Variants in GNAZ observed in about 807,000 individuals in gnomAD.
GNAZ encodes the protein G protein subunit alpha z.
GNAZ carries 3 observed loss-of-function variants against 25.4 expected under a neutral mutation model. The ratio of observed to expected loss-of-function variants is 0.12; its 90% CI spans 0.05 to 0.30. The LOEUF (loss-of-function observed/expected upper bound fraction) is 0.30, where lower values mean the gene tolerates loss of function less well. Ranked by LOEUF, GNAZ falls within the 10% of genes least tolerant of loss-of-function variation. The pLI is 1.00. For missense variants in GNAZ, 241 were observed against 501.8 expected (o/e 0.48, Z 4.97); for synonymous variants, 211 against 205.7 (o/e 1.03, Z -0.22).
In GNAZ at chr22:23,096,428, G is replaced by A; in HGVS notation, c.723+10G>A. On this transcript the variant is annotated intron_variant, in intron 2 of 2. Transcript: ENST00000615612. ...CGAGGATAACCAGACAGTAAGTGGGGCCGGGGGTTTTCCTCTGCTTGTTCC... is the reference window on the plus strand; with the variant it reads ...CGAGGATAACCAGACAGTAAGTGGGACCGGGGGTTTTCCTCTGCTTGTTCC... The A allele has an allele frequency of 2.5e-6, 4 of 1,591,232 alleles. No homozygotes were observed. The South Asian group carries it at 3.4e-5, about 13-fold the overall frequency.
rs190535892 is a variant in GNAZ at position 23,071,692 on chromosome 22, G to A, written c.-450+1122G>A. On this transcript the variant is annotated intron_variant, in intron 1 of 2. Transcript: ENST00000615612. The surrounding 1 kb of genome is among the most constrained non-coding windows in gnomAD (Gnocchi z 4.1). ...AAAACGTCTCTACTCGACCAACCCC[G>A]CTTGAGTGCAGGTGCAGGGGCCTCG... Among the ~76,000 whole-genome samples the A allele has an allele frequency of 2.6e-5, 4 of 152,200 alleles. No individual in the cohort carries two copies. The highest frequency in any genetic ancestry group is 9.7e-5 in the African/African-American group (4 of 41,450).
intron 2 of GNAZ, among the ~76,000 whole-genome samples, chr22:23,102,752 C>T (rs2068396605): frequency 6.6e-6 from 1 of 152,240 alleles, no homozygotes; most frequent in Non-Finnish European, 1.5e-5. Context: ...TCCCAGGGCA[C>T]AAGCTGTCAC....
intron 2 of GNAZ, among the ~76,000 whole-genome samples, chr22:23,116,576 G>A (rs1016039175): frequency 3.3e-5 from 5 of 152,230 alleles, no homozygotes; most frequent in South Asian, 4.1e-4. Context: ...CCCACTCTGG[G>A]CTCCTCAGGG....
At chr22:23,081,968 A>G (rs1372834042) in intron 1 of GNAZ, among the ~76,000 whole-genome samples, 3 of 150,402 alleles carry the variant, frequency 2.0e-5, no homozygotes, top group South Asian at 2.1e-4. Context: ...TACTAAAAAT[A>G]CAAAAAATTA....
intron 2 of GNAZ, among the ~76,000 whole-genome samples, chr22:23,107,943 G>A (rs992227807): frequency 5.3e-5 from 8 of 152,298 alleles, no homozygotes; most frequent in African/African-American, 1.9e-4. Flanking sequence ...GCCTGCTGCG[G>A]GGGAGGAAGG....
chr22:23,102,896 T>C (rs2266997), intron 2 of GNAZ, among the ~76,000 whole-genome samples: 60,721 of 152,186 alleles, frequency 0.4, 14,703 homozygotes, highest in African/African-American at 0.69. Context: ...CAGACAAGTG[T>C]TCCTGCCACA....
intron 1 of GNAZ, among the ~76,000 whole-genome samples, chr22:23,076,427 G>A (rs949251996): frequency 1.6e-4 from 24 of 152,146 alleles, no homozygotes; most frequent in African/African-American, 5.3e-4. Flanking sequence ...CTGTGTGCTC[G>A]TGCGCTGCAG....
intron 1 of GNAZ, among the ~76,000 whole-genome samples, chr22:23,086,300 G>A (rs2068818806): frequency 6.6e-6 from 1 of 152,248 alleles, no homozygotes; most frequent in Non-Finnish European, 1.5e-5. Context: ...GCCACCCCGG[G>A]AAATCACCTC....
chr22:23,075,804 C>A (rs901869236), intron 1 of GNAZ, among the ~76,000 whole-genome samples: 1 of 152,172 alleles, frequency 6.6e-6, no homozygotes, highest in Admixed American at 6.5e-5. Context: ...AGACCCTTGG[C>A]CCCTGGGATG....
intron 2 of GNAZ, among the ~76,000 whole-genome samples, chr22:23,102,466 T>A (rs914003339): frequency 1.3e-5 from 2 of 152,228 alleles, no homozygotes; most frequent in Non-Finnish European, 2.9e-5. Context: ...CCTGTCACAC[T>A]GGGAGCTTCC....
intron 1 of GNAZ, among the ~76,000 whole-genome samples, chr22:23,083,790 C>G (rs895353105): frequency 1.3e-5 from 2 of 152,214 alleles, no homozygotes; most frequent in Non-Finnish European, 2.9e-5. Context: ...GTCCCACTGC[C>G]GAACCAGCGG....
intron 1 of GNAZ, among the ~76,000 whole-genome samples, chr22:23,092,876 A>G (rs972001148): frequency 6.6e-6 from 1 of 152,246 alleles, no homozygotes; most frequent in African/African-American, 2.4e-5. Context: ...AAGAACAGTC[A>G]TGACAACAGA....
intron 2 of GNAZ, among the ~76,000 whole-genome samples, chr22:23,099,396 G>T (rs530871900): frequency 1.3e-5 from 2 of 152,270 alleles, no homozygotes; most frequent in African/African-American, 2.4e-5. Context: ...AGTCCTGCAG[G>T]TGTGTCAGGC....
At chr22:23,083,019 G>T (rs2068723574) in intron 1 of GNAZ, among the ~76,000 whole-genome samples, 1 of 152,172 alleles carries the variant, frequency 6.6e-6, no homozygotes. Flanking sequence ...GAGACTGGGA[G>T]ACCAGGCAGG....
Position 23,124,497 on chromosome 22 carries a change from T to A in GNAZ, c.*1066T>A. 2.6e-6 allele frequency: 1 copy of A among 387,024 alleles called. No individual in the cohort carries two copies. The highest frequency in any genetic ancestry group is 5.5e-6 in the Non-Finnish European group (1 of 181,906). The allele number at this position is 387,024 out of a possible 1,614,324, so 24.0% of individuals were successfully genotyped here. A position where few individuals can be genotyped will look rare whatever the true frequency, so the allele number is the denominator to read the frequency against. On this transcript the variant is annotated 3_prime_UTR_variant, in exon 3 of 3. Coordinates refer to ENST00000615612, the MANE Select transcript of GNAZ (RefSeq NM_002073.4). The stretch of plus-strand genomic sequence containing the variant: ...TGTCCTCTTGTTAATGGTGGGGTTT[T>A]CTGCTTTGTTTTTATTTAAGAAAAT...
intron 2 of GNAZ, chr22:23,122,655 G>A: frequency 5.3e-6 from 1 of 188,708 alleles, no homozygotes; most frequent in East Asian, 1.2e-4. Context: ...CATTGAGGGA[G>A]CTATGATGTG....
rs1417758670 is a variant in GNAZ at position 23,071,295 on chromosome 22, C to T, written c.-450+725C>T. 6.6e-6 allele frequency among the ~76,000 whole-genome samples: 1 copy of T among 152,158 alleles called. No individual in the cohort carries two copies. Among genetic ancestry groups the T allele is most frequent in the Non-Finnish European group, 1.5e-5 (1 of 68,032 alleles). On this transcript the variant is annotated intron_variant, in intron 1 of 2. Coordinates refer to ENST00000615612, the MANE Select transcript of GNAZ (RefSeq NM_002073.4). This position sits in a 1 kb window ranked among gnomAD's most constrained non-coding sequence, Gnocchi z 4.1. ...ATCCGAGGGGGCTCTGCCTTTAGGGCGGTGCTGAGCCTTCCTGGGTGATGA... is the reference window on the plus strand; with the variant it reads ...ATCCGAGGGGGCTCTGCCTTTAGGGTGGTGCTGAGCCTTCCTGGGTGATGA...
intron 1 of GNAZ, among the ~76,000 whole-genome samples, chr22:23,078,354 C>T (rs1408761317): frequency 6.6e-6 from 1 of 152,176 alleles, no homozygotes; most frequent in Non-Finnish European, 1.5e-5. Context: ...ATGATAACAC[C>T]ACGCACGCAA....
intron 2 of GNAZ, among the ~76,000 whole-genome samples, chr22:23,118,661 ATGGT>A (rs1284071723): frequency 6.6e-6 from 1 of 152,200 alleles, no homozygotes; most frequent in Non-Finnish European, 1.5e-5. Flanking sequence ...CCATGGGGTC[ATGGT>A]TGGCAGAGGC....
Sources: allele counts gnomAD v4.1 joint callset (sites outside exome capture counted in the v4.1 genomes callset), GRCh38; gene constraint gnomAD v4.1.1; non-coding constraint Gnocchi (gnomAD v3.1); transcripts MANE v1.5; gene names NCBI Gene and HGNC (gene_info 2026-07-23, HGNC 2026-07-21).